The following MYT1 variants were observed in gnomAD, a reference collection of about 807,000 sequenced individuals.
The protein encoded by MYT1 is myelin transcription factor I.
In MYT1, 23 loss-of-function variants were observed where a neutral mutation model predicts 123.0. The ratio of observed to expected loss-of-function variants is 0.19; its 90% CI spans 0.13 to 0.26. The LOEUF (loss-of-function observed/expected upper bound fraction) is 0.26. Ranked by LOEUF, MYT1 falls within the 10% of genes least tolerant of loss-of-function variation. MYT1 has a pLI of 1.00. For missense variants in MYT1, 1,125 were observed against 1,472.5 expected (o/e 0.76, Z 3.86); for synonymous variants, 518 against 575.3 (o/e 0.90, Z 1.43).
intron 10 of MYT1, among the ~76,000 whole-genome samples, chr20:64,214,024 A>T (rs1174476872): frequency 6.6e-6 from 1 of 152,140 alleles, no homozygotes; most frequent in Non-Finnish European, 1.5e-5. Flanking sequence ...GAAAGAGCAG[A>T]CTGCACCAGC....
intron 15 of MYT1, 42 bp downstream of exon 15, chr20:64,223,215 G>T: frequency 1.2e-6 from 2 of 1,613,878 alleles, no homozygotes; most frequent in Non-Finnish European, 1.7e-6. Flanking sequence ...GGTGCTTCGT[G>T]GTGGGTCTTC....
rs768726543 is a variant in MYT1, at chr20:64,232,154, C to T, written c.2676-10C>T. ...CGCCCCTGTACTCACCCCGGCCTCTCTGTACCCAGGTGCCCAGTTCCAGGC... is the reference window on the plus strand; with the variant it reads ...CGCCCCTGTACTCACCCCGGCCTCTTTGTACCCAGGTGCCCAGTTCCAGGC... On this transcript the variant is annotated splice_polypyrimidine_tract_variant and intron_variant, in intron 18 of 22. Coordinates refer to ENST00000328439, the MANE Select transcript of MYT1 (RefSeq NM_004535.3). This position sits in a 1 kb window ranked among gnomAD's most constrained non-coding sequence, Gnocchi z 6.9. The T allele has an allele frequency of 3.7e-6, 6 of 1,612,600 alleles. No homozygotes were observed. Among genetic ancestry groups the T allele is most frequent in the Non-Finnish European group, 8.5e-7 (1 of 1,179,848 alleles).
At position 64,218,041 on chromosome 20, in the gene MYT1, C is replaced by T. The variant is rs777335412; in HGVS notation, c.1846+760C>T. ...GTTGTCAGCCCCAAACATGACGTGACGAGTTTCCTACATGAGAATAATAAA... is the reference window on the plus strand; with the variant it reads ...GTTGTCAGCCCCAAACATGACGTGATGAGTTTCCTACATGAGAATAATAAA... On this transcript the variant is annotated intron_variant, in intron 11 of 22. Coordinates refer to ENST00000328439, the MANE Select transcript of MYT1 (RefSeq NM_004535.3). The surrounding 1 kb of genome is among the most constrained non-coding windows in gnomAD (Gnocchi z 4.0). 1.2e-4 allele frequency among the ~76,000 whole-genome samples: 19 copies of T among 152,166 alleles called. No homozygotes were observed. Among genetic ancestry groups the T allele is most frequent in the Non-Finnish European group, 2.4e-4 (16 of 68,028 alleles).
chr20:64,187,568 A>T (rs1227252662), intron 1 of MYT1, among the ~76,000 whole-genome samples: 1 of 152,250 alleles, frequency 6.6e-6, no homozygotes, highest in African/African-American at 2.4e-5. Flanking sequence ...TGGGGACTTA[A>T]TGTGCTGCTA....
chr20:64,237,313 C>G lies in MYT1; in HGVS notation c.3016C>G (p.Gln1006Glu). Residue 1006 changes from glutamine to glutamate, a missense_variant, in exon 21 of 23, where the codon CAG becomes GAG. By Grantham distance (29) the Gln-to-Glu change is conservative. Around this residue, in one of 4 missense-constraint regions of MYT1, gnomAD observed 243 missense variants for 323.1 expected, o/e 0.75. Coordinates refer to ENST00000328439, the MANE Select transcript of MYT1 (RefSeq NM_004535.3). ...DVLENDEEIK[Q>E]LNQEIRDLNE... Reference sequence around the variant, plus strand: ...GTTGGAGAATGATGAGGAGATCAAGCAGCTGAACCAGGAGATCCGAGACCT... The same window carrying G: ...GTTGGAGAATGATGAGGAGATCAAGGAGCTGAACCAGGAGATCCGAGACCT... 1 of 1,611,188 alleles carries G rather than the reference C, an allele frequency of 6.2e-7. No homozygotes were observed. The highest frequency in any genetic ancestry group is 8.5e-7 in the Non-Finnish European group (1 of 1,179,308).
At position 64,219,884 on chromosome 20, in the gene MYT1, A is replaced by G. The variant is rs1983952157; in HGVS notation, c.2143A>G (p.Thr715Ala). 6.3e-7 allele frequency: 1 copy of G among 1,582,242 alleles called. No individual in the cohort carries two copies. The highest frequency in any genetic ancestry group is 1.4e-5 in the African/African-American group (1 of 73,980). ...CACCAGCGCCCCCAGCAGCTCCATGACCTCTCCCCAGTCCAGCCAGGCCTC... is the reference window on the plus strand; with the variant it reads ...CACCAGCGCCCCCAGCAGCTCCATGGCCTCTCCCCAGTCCAGCCAGGCCTC... ...SSTSAPSSSM[T>A]SPQSSQASRQ... The change falls in exon 13 of 23, where the codon ACC becomes GCC. Residue 715 changes from threonine (T) to alanine (A), a missense_variant. Physicochemically the swap from Thr to Ala is moderately conservative, Grantham distance 58 (BLOSUM62 0). Coordinates refer to ENST00000328439, the MANE Select transcript of MYT1 (RefSeq NM_004535.3).
At chr20:64,170,845 G>T (rs1454567241) in intron 1 of MYT1, among the ~76,000 whole-genome samples, 1 of 52,578 alleles carries the variant, frequency 1.9e-5, no homozygotes, top group East Asian at 5.1e-4. Flanking sequence ...TAGACAAATT[G>T]GTCATATATA....
Position 64,218,717 on chromosome 20 carries a change from G to A in MYT1, c.1847-194G>A. On this transcript the variant is annotated intron_variant, in intron 11 of 22. Transcript: ENST00000328439. The surrounding 1 kb of genome is among the most constrained non-coding windows in gnomAD (Gnocchi z 4.0). Reference sequence around the variant, plus strand: ...CAAGCCCCTGGCCCACTTCGATATAGCTGTGCCCTGGGCCCTCCCATCCCT... The same window carrying A: ...CAAGCCCCTGGCCCACTTCGATATAACTGTGCCCTGGGCCCTCCCATCCCT... The A allele has an allele frequency of 1.4e-6, 1 of 729,760 alleles. No individual in the cohort carries two copies. Among genetic ancestry groups the A allele is most frequent in the South Asian group, 1.7e-5 (1 of 60,570 alleles). 45.2% of individuals were successfully genotyped at this position (729,760 alleles called of 1,614,324 possible).
At chr20:64,238,013 G>C (rs949667558) in intron 21 of MYT1, among the ~76,000 whole-genome samples, 1 of 152,106 alleles carries the variant, frequency 6.6e-6, no homozygotes, top group Non-Finnish European at 1.5e-5. Flanking sequence ...AGTAAGTGCC[G>C]TCGATGAGAG....
At chr20:64,188,707 G>A (rs1298076969) in intron 1 of MYT1, among the ~76,000 whole-genome samples, 6 of 152,218 alleles carry the variant, frequency 3.9e-5, no homozygotes, top group African/African-American at 9.6e-5. Context: ...GTTAGAGGCC[G>A]CTCACACCGG....
At chr20:64,214,893 C>T (rs1983791170) in intron 10 of MYT1, among the ~76,000 whole-genome samples, 1 of 152,220 alleles carries the variant, frequency 6.6e-6, no homozygotes, top group African/African-American at 2.4e-5. Context: ...TTGGCTGTGT[C>T]ATGCCCAGGC....
At position 64,164,501 on chromosome 20, in the gene MYT1, A is replaced by G. The variant is rs988603784; in HGVS notation, c.-337A>G. ...CCGCCAGCCCGTGCCACCGCTGCTAATGAGAGCAGTCATTAAGTAAATGAG... is the reference window on the plus strand; with the variant it reads ...CCGCCAGCCCGTGCCACCGCTGCTAGTGAGAGCAGTCATTAAGTAAATGAG... On this transcript the variant is annotated 5_prime_UTR_variant, in exon 1 of 23. An upstream start codon of the reference 5' UTR is lost. Transcript: ENST00000328439. The G allele has an allele frequency of 6.6e-6, 1 of 152,204 alleles. No individual in the cohort carries two copies. The highest frequency in any genetic ancestry group is 1.5e-5 in the Non-Finnish European group (1 of 68,042). The allele number at this position is 152,204 out of a possible 1,614,324, so 9.4% of individuals were successfully genotyped here.
rs1982111775 is a variant in MYT1, at chr20:64,167,295, C to G, written c.-99+2556C>G. On this transcript the variant is annotated intron_variant, in intron 1 of 22. Transcript: ENST00000328439. The surrounding 1 kb of genome is among the most constrained non-coding windows in gnomAD (Gnocchi z 6.3). ...TGGGCGGGCTGGTGGGGGCTGAGCT[C>G]TTCCTGGACGGACTCAGTGCAAAAG... 6.6e-6 allele frequency among the ~76,000 whole-genome samples: 1 copy of G among 152,212 alleles called. No individual in the cohort carries two copies. Among genetic ancestry groups the G allele is most frequent in the South Asian group, 2.1e-4 (1 of 4,832 alleles).
chr20:64,201,257 T>C (rs1983288618), intron 4 of MYT1, among the ~76,000 whole-genome samples: 1 of 152,212 alleles, frequency 6.6e-6, no homozygotes. Flanking sequence ...ATAGATTTGT[T>C]CGTTTTTAAA....
chr20:64,236,493 C>T, intron 19 of MYT1, 62 bp from the exon 20 acceptor site: 1 of 1,392,510 alleles, frequency 7.2e-7, no homozygotes, highest in East Asian at 2.3e-5. Context: ...TGGTATGTGA[C>T]CCTGGGATGG....
chr20:64,201,831 C>T (rs1449908575), intron 4 of MYT1, among the ~76,000 whole-genome samples: 3 of 152,244 alleles, frequency 2.0e-5, no homozygotes, highest in African/African-American at 2.4e-5. Flanking sequence ...AGAGGAGCAT[C>T]GCGTCCTGTG....
chr20:64,199,301 G>C (rs1983219763), intron 3 of MYT1, among the ~76,000 whole-genome samples: 1 of 152,216 alleles, frequency 6.6e-6, no homozygotes, highest in Admixed American at 6.5e-5. Flanking sequence ...GGTTGAGCTG[G>C]AAGTGCAGTG....
At chr20:64,178,160 T>C (rs1372811996) in intron 1 of MYT1, among the ~76,000 whole-genome samples, 1 of 152,220 alleles carries the variant, frequency 6.6e-6, no homozygotes, top group Non-Finnish European at 1.5e-5. Flanking sequence ...ATCCTCATTA[T>C]TTTCAAAAAT....
chr20:64,229,278 A>G (rs571309348), intron 18 of MYT1, among the ~76,000 whole-genome samples: 3 of 152,252 alleles, frequency 2.0e-5, no homozygotes, highest in Non-Finnish European at 4.4e-5. Context: ...GAATTTGCCT[A>G]TGATCATATA....
Sources: gnomAD v4.1 joint callset for allele counts (sites outside exome capture counted in the v4.1 genomes callset) on GRCh38, gnomAD v4.1.1 for gene constraint, gnomAD v4.1.1 regional missense constraint, Gnocchi (gnomAD v3.1) non-coding constraint, MANE v1.5 for transcripts, NCBI Gene and HGNC (gene_info 2026-07-23, HGNC 2026-07-21) for gene names.